Variants in TDP1 observed in about 807,000 individuals in gnomAD.
TDP1 encodes tyr-DNA phosphodiesterase 1.
TDP1 carries 64 observed loss-of-function variants against 81.5 expected under a neutral mutation model. The ratio of observed to expected loss-of-function variants is 0.79; its 90% CI spans 0.64 to 0.97. The LOEUF is 0.97. Among genes scored for constraint, TDP1 ranks in the 50% least tolerant of loss-of-function variants. The probability of loss-of-function intolerance (pLI) is 0.00; values close to 1 mark genes in which losing one functional copy is unlikely to be tolerated. For synonymous variants in TDP1, 256 were observed against 264.3 expected, an observed-to-expected ratio of 0.97 and a Z score of 0.30; for missense variants, 723 against 743.8, an observed-to-expected ratio of 0.97 and a Z score of 0.33.
At chr14:89,984,489 T>C in intron 8 of TDP1, 27 bp from the exon 9 acceptor site, 3 of 1,613,884 alleles carry the variant, frequency 1.9e-6, no homozygotes, top group Non-Finnish European at 2.5e-6. Flanking sequence ...TGTGCCTGAC[T>C]GTTAAAGGTT....
chr14:89,975,928 G>A lies in TDP1; in HGVS notation c.791+113G>A, dbSNP rs770061170. 7.8e-5 allele frequency: 65 copies of A among 835,194 alleles called. 1 individual carries two copies. Among genetic ancestry groups the A allele is most frequent in the East Asian group, 4.8e-4 (20 of 41,326 alleles). 51.7% of individuals were successfully genotyped at this position (835,194 alleles called of 1,614,324 possible). A position where few individuals can be genotyped will look rare whatever the true frequency, so the allele number is the denominator to read the frequency against. On this transcript the variant is annotated intron_variant, in intron 7 of 16. Coordinates refer to ENST00000335725, the MANE Select transcript of TDP1 (RefSeq NM_018319.4). Reference sequence around the variant, plus strand: ...AGGCCCACCTAGGATCTAGCACAGCGATGCTTAACTGAGCCTGGGGGAGCT... The same window carrying A: ...AGGCCCACCTAGGATCTAGCACAGCAATGCTTAACTGAGCCTGGGGGAGCT...
intron 5 of TDP1, among the ~76,000 whole-genome samples, chr14:89,969,072 A>G (rs141066581): frequency 9.2e-5 from 14 of 152,366 alleles, no homozygotes; most frequent in Admixed American, 2.6e-4. Context: ...AGAAGCTGGG[A>G]GAGAGGCTTG....
chr14:89,969,581 T>A (rs35226880), intron 5 of TDP1, among the ~76,000 whole-genome samples: 23,381 of 152,204 alleles, frequency 0.15, 3,929 homozygotes, highest in African/African-American at 0.42. Flanking sequence ...TAGATGCACG[T>A]GTGTTTCTTA....
At chr14:90,016,466 T>A (rs1885322020) in intron 14 of TDP1, among the ~76,000 whole-genome samples, 1 of 152,182 alleles carries the variant, frequency 6.6e-6, no homozygotes, top group African/African-American at 2.4e-5. Flanking sequence ...ATGTATTTTT[T>A]CTGTGATGAA....
chr14:89,977,841 C>T (rs1894532609), intron 7 of TDP1, among the ~76,000 whole-genome samples: 1 of 150,750 alleles, frequency 6.6e-6, no homozygotes, highest in Admixed American at 6.6e-5. Context: ...CTTTGGCACA[C>T]AAGCCCTGCT....
chr14:89,986,942 T>G (rs2087209255), intron 10 of TDP1: 1 of 152,276 alleles, frequency 6.6e-6, no homozygotes, highest in South Asian at 2.1e-4. Context: ...AGTACATATT[T>G]AAGTGGATAC....
intron 2 of TDP1, chr14:89,957,201 T>A (rs1292016557): frequency 6.6e-6 from 1 of 152,202 alleles, no homozygotes; most frequent in Non-Finnish European, 1.5e-5. Context: ...TGTCTCATAC[T>A]TATAAAATGT....
intron 15 of TDP1, chr14:90,023,191 G>C (rs915354343): frequency 3.1e-5 from 21 of 681,982 alleles, no homozygotes; most frequent in Non-Finnish European, 5.1e-5. Flanking sequence ...CATGTGGTCT[G>C]CCCGGGGGGC....
chr14:90,042,374 G>A (rs937168640), intron 16 of TDP1, among the ~76,000 whole-genome samples: 4 of 152,084 alleles, frequency 2.6e-5, no homozygotes, highest in Admixed American at 1.3e-4. Flanking sequence ...CTCAGTCCTC[G>A]TGACAGCTCC....
At position 90,039,851 on chromosome 14, in the gene TDP1, C is replaced by T. The variant is rs896140649; in HGVS notation, c.1754-3219C>T. On this transcript the variant is annotated intron_variant, in intron 16 of 16. Transcript: ENST00000335725. The stretch of plus-strand genomic sequence containing the variant: ...AATTAATTCATTGTATCCTCACAAC[C>T]GCATGATGCAAGTACGATAGTACAA... Among the ~76,000 whole-genome samples, 9 of 152,106 alleles carry T rather than the reference C, an allele frequency of 5.9e-5. 1 individual carries two copies. The highest frequency in any genetic ancestry group is 1.7e-4 in the African/African-American group (7 of 41,390).
At chr14:89,974,146 A>G (rs1893990191) in intron 6 of TDP1, among the ~76,000 whole-genome samples, 1 of 152,146 alleles carries the variant, frequency 6.6e-6, no homozygotes, top group Non-Finnish European at 1.5e-5. Context: ...CTGGCTTGTC[A>G]CCTAATTTCT....
intron 16 of TDP1, chr14:90,042,801 GTGGGAATTA>G: frequency 1.1e-6 from 1 of 893,420 alleles, no homozygotes; most frequent in Non-Finnish European, 1.3e-6. Context: ...CCCACGATAT[GTGGGAATTA>G]TGAGAGCTGC....
intron 15 of TDP1, among the ~76,000 whole-genome samples, chr14:90,028,503 T>C (rs1328318429): frequency 6.6e-6 from 1 of 152,248 alleles, no homozygotes; most frequent in Non-Finnish European, 1.5e-5. Flanking sequence ...TCATGTGTGA[T>C]ATATGTCCAC....
rs36065935 is a variant in TDP1 at position 90,021,177 on chromosome 14, C to T, written c.1644+1759C>T. Among the ~76,000 whole-genome samples the T allele has an allele frequency of 3.8e-3, 586 of 152,268 alleles. 2 individuals are homozygous for T. The highest frequency in any genetic ancestry group is 0.014 in the African/African-American group (566 of 41,548). ...TCTCACACCGTGCTCAGGTGAAGAGCTCTTTTCTCCCTTTCTCTCTCCTCT... is the reference window on the plus strand; with the variant it reads ...TCTCACACCGTGCTCAGGTGAAGAGTTCTTTTCTCCCTTTCTCTCTCCTCT... On this transcript the variant is annotated intron_variant, in intron 15 of 16. Coordinates refer to ENST00000335725, the MANE Select transcript of TDP1 (RefSeq NM_018319.4).
chr14:90,020,800 CT>C (rs869215666), intron 15 of TDP1, among the ~76,000 whole-genome samples: 292 of 122,826 alleles, frequency 2.4e-3, no homozygotes, highest in Admixed American at 2.2e-3. Context: ...CTAATCCAGT[CT>C]TTTTTTTTTT....
intron 14 of TDP1, among the ~76,000 whole-genome samples, chr14:90,016,170 G>C (rs1290459997): frequency 2.6e-5 from 4 of 151,686 alleles, no homozygotes; most frequent in Non-Finnish European, 5.9e-5. Flanking sequence ...TCAGCCTCCT[G>C]AGTAGTTGGG....
chr14:90,030,771 CT>C lies in TDP1; in HGVS notation c.1645-2323del, dbSNP rs36117061. The stretch of plus-strand genomic sequence containing the variant: ...GAAGCTTGATTATCTCATTTTTACT[CT>C]TTTTTTTTTTTGAGATGGAGTTTCA... On this transcript the variant is annotated intron_variant, in intron 15 of 16. Transcript: ENST00000335725. Among the ~76,000 whole-genome samples the C allele has an allele frequency of 1.0e-3, 145 of 145,106 alleles. 1 individual carries two copies. In the Middle Eastern group the frequency reaches 0.014, roughly 14 times the overall value.
chr14:90,009,950 A>G (rs1884502296), intron 14 of TDP1, among the ~76,000 whole-genome samples: 1 of 152,348 alleles, frequency 6.6e-6, no homozygotes, highest in Non-Finnish European at 1.5e-5. Flanking sequence ...GGAAAAAAAA[A>G]CCTTAGCCTA....
intron 8 of TDP1, among the ~76,000 whole-genome samples, chr14:89,983,605 C>T (rs1053411618): frequency 2.6e-5 from 4 of 152,174 alleles, no homozygotes; most frequent in African/African-American, 9.7e-5. Context: ...ACACCTGATA[C>T]TTTTGACTGC....
Sources: gnomAD v4.1 joint callset for allele counts (sites outside exome capture counted in the v4.1 genomes callset) on GRCh38, gnomAD v4.1.1 for gene constraint, MANE v1.5 for transcripts, NCBI Gene and HGNC (gene_info 2026-07-23, HGNC 2026-07-21) for gene names.